CMC2: variants seen among roughly 807,000 people sequenced by gnomAD.
CMC2 encodes the protein COX assembly mitochondrial protein 2 homolog.
Under a neutral mutation model 7.5 loss-of-function variants are expected in CMC2, and 5 were observed. The observed-to-expected ratio is 0.66, with a 90% confidence interval of 0.35 to 1.40. CMC2 has a LOEUF of 1.40. CMC2 is among the 40% of genes most tolerant of loss of function. The pLI is 0.04. For missense variants in CMC2, 115 were observed against 92.3 expected (o/e 1.25, Z -1.01); for synonymous variants, 37 against 31.4 (o/e 1.18, Z -0.60).
rs964106909 is a variant in CMC2, at chr16:80,976,132, T to C, written c.201A>G (p.Arg67=). ...CCTCTGGAGGATTAAAAAGTTTCTT[T>C]CGCATTGCAATGCCATGCTCCCTGC... ...TKSREHGIAM[R]KKLFNPPEES... Residue 67 remains arginine (R), a synonymous_variant, in exon 4 of 4, where the codon CGA becomes CGG. Coordinates refer to ENST00000219400, the MANE Select transcript of CMC2 (RefSeq NM_020188.5). The C allele has an allele frequency of 6.2e-7, 1 of 1,610,686 alleles. No homozygotes were observed. Among genetic ancestry groups the C allele is most frequent in the Non-Finnish European group, 8.5e-7 (1 of 1,177,198 alleles).
chr16:80,983,674 A>T (rs1198684005), intron 2 of CMC2: 1 of 152,190 alleles, frequency 6.6e-6, no homozygotes, highest in Non-Finnish European at 1.5e-5. Flanking sequence ...TCAAAATGTC[A>T]CCAAAATACA....
In CMC2 at chr16:80,968,731, G is replaced by A. The variant is rs972256132; in HGVS notation, c.*7362C>T. On this transcript the variant is annotated 3_prime_UTR_variant, in exon 4 of 4. Transcript: ENST00000219400. Reference sequence around the variant, plus strand: ...TATATCAAATATAGTTTTTAAAGGTGTAGTTGAGCTCACAAGAAAGGAAAG... The same window carrying A: ...TATATCAAATATAGTTTTTAAAGGTATAGTTGAGCTCACAAGAAAGGAAAG... The A allele has an allele frequency of 1.3e-5, 2 of 152,182 alleles. No homozygotes were observed. The highest frequency in any genetic ancestry group is 4.8e-5 in the African/African-American group (2 of 41,436). 9.4% of individuals were successfully genotyped at this position (152,182 alleles called of 1,614,324 possible). A position where few individuals can be genotyped will look rare whatever the true frequency, so the allele number is the denominator to read the frequency against.
chr16:80,986,036 G>C (rs1967503700), intron 2 of CMC2, among the ~76,000 whole-genome samples: 1 of 152,070 alleles, frequency 6.6e-6, no homozygotes, highest in African/African-American at 2.4e-5. Flanking sequence ...CATTGTATAG[G>C]CAAAAGGATC....
At chr16:80,986,314 C>A (rs1474448230) in intron 2 of CMC2, among the ~76,000 whole-genome samples, 1 of 152,136 alleles carries the variant, frequency 6.6e-6, no homozygotes, top group African/African-American at 2.4e-5. Context: ...CATGCCACTA[C>A]ACTCCAGCCT....
At position 80,976,026 on chromosome 16, in the gene CMC2, T is replaced by C. The variant is rs999111472; in HGVS notation, c.*67A>G. On this transcript the variant is annotated 3_prime_UTR_variant, in exon 4 of 4. Transcript: ENST00000219400. ...ATTATGGAGACCAAATAAGACAGGA[T>C]TCTTTCAGGTATCAACCCAGAGTCT... The C allele has an allele frequency of 3.5e-6, 3 of 860,394 alleles. No homozygotes were observed. The highest frequency in any genetic ancestry group is 5.9e-6 in the Non-Finnish European group (3 of 507,298). The allele number at this position is 860,394 out of a possible 1,614,324, so 53.3% of individuals were successfully genotyped here. A position where few individuals can be genotyped will look rare whatever the true frequency, so the allele number is the denominator to read the frequency against.
chr16:80,978,284 G>C (rs1272535140), intron 3 of CMC2: 2 of 1,170,142 alleles, frequency 1.7e-6, no homozygotes, highest in African/African-American at 1.7e-5. Context: ...ATCAGGTTGA[G>C]AAGGGTCTTA....
chr16:81,003,373 G>C (rs140255502), intron 1 of CMC2, among the ~76,000 whole-genome samples: 1 of 152,298 alleles, frequency 6.6e-6, no homozygotes, highest in East Asian at 1.9e-4. Flanking sequence ...AAAATAATTT[G>C]TTGAACACTT....
At chr16:80,977,967 G>A (rs1912628409) in intron 3 of CMC2, among the ~76,000 whole-genome samples, 1 of 152,086 alleles carries the variant, frequency 6.6e-6, no homozygotes, top group East Asian at 1.9e-4. Flanking sequence ...AGCTATTCAG[G>A]AGGCTGAGGC....
rs1911761224 is a variant in CMC2 at position 80,969,323 on chromosome 16, TACCTGAACCAACTAAGG to T, written c.*6753_*6769del. 6.6e-6 allele frequency: 1 copy of T among 152,376 alleles called. No homozygotes were observed. The highest frequency in any genetic ancestry group is 2.1e-4 in the South Asian group (1 of 4,824). The allele number at this position is 152,376 out of a possible 1,614,324, so 9.4% of individuals were successfully genotyped here. On this transcript the variant is annotated 3_prime_UTR_variant, in exon 4 of 4. Transcript: ENST00000219400. ...GAAAGCAGCACAGGGAGGCACAAGGTACCTGAACCAACTAAGGACCGAAGAACCCAAAACAACAGATA... is the reference window on the plus strand; with the variant it reads ...GAAAGCAGCACAGGGAGGCACAAGGTACCGAAGAACCCAAAACAACAGATA...
rs752979229 is a variant in CMC2 at position 80,971,441 on chromosome 16, A to C, written c.*4652T>G. On this transcript the variant is annotated 3_prime_UTR_variant, in exon 4 of 4. Coordinates refer to ENST00000219400, the MANE Select transcript of CMC2 (RefSeq NM_020188.5). Reference sequence around the variant, plus strand: ...AAACAAGAACCTCATTTATCAACATAGTATTTTTTTTTTAAAAAAAAAAGG... The same window carrying C: ...AAACAAGAACCTCATTTATCAACATCGTATTTTTTTTTTAAAAAAAAAAGG... 6.7e-6 allele frequency: 1 copy of C among 148,244 alleles called. No individual in the cohort carries two copies. Among genetic ancestry groups the C allele is most frequent in the Non-Finnish European group, 1.5e-5 (1 of 67,826 alleles). 9.2% of individuals were successfully genotyped at this position (148,244 alleles called of 1,614,324 possible). A position where few individuals can be genotyped will look rare whatever the true frequency, so the allele number is the denominator to read the frequency against.
At chr16:80,985,145 A>G (rs1967424629) in intron 2 of CMC2, among the ~76,000 whole-genome samples, 1 of 152,168 alleles carries the variant, frequency 6.6e-6, no homozygotes, top group Non-Finnish European at 1.5e-5. Flanking sequence ...GAGGCAAATA[A>G]GAAGTCACTG....
At position 80,999,759 on chromosome 16, in the gene CMC2, T is replaced by G. The variant is rs528615418; in HGVS notation, c.-35-2330A>C. On this transcript the variant is annotated intron_variant, in intron 1 of 3. Coordinates refer to ENST00000219400, the MANE Select transcript of CMC2 (RefSeq NM_020188.5). ...ACAGCCCAGAAATAAAGCCACACAC[T>G]TTTGATCTTTGACAAAGTCAACAAA... 1.4e-4 allele frequency among the ~76,000 whole-genome samples: 21 copies of G among 152,218 alleles called. No homozygotes were observed. In the South Asian group the frequency reaches 2.5e-3, roughly 18 times the overall value.
At position 80,981,834 on chromosome 16, in the gene CMC2, C is replaced by T. The variant is rs781067998; in HGVS notation, c.125G>A (p.Arg42Gln). The T allele has an allele frequency of 1.7e-5, 27 of 1,610,276 alleles. No individual in the cohort carries two copies. The highest frequency in any genetic ancestry group is 2.7e-5 in the African/African-American group (2 of 74,896). ...ATTCTTCAGGCATTTTCTCAACTCC[C>T]GATCAACATCATTACAATAACCAAA... ...KFFGYCNDVD[R>Q]ELRKCLKNEY... The change falls in exon 3 of 4, where the codon CGG becomes CAG. Residue 42 changes from arginine (R) to glutamine (Q), a missense_variant. Transcript: ENST00000219400.
In CMC2 at chr16:80,975,925, C is replaced by A; in HGVS notation, c.*168G>T. ...GGGAGACAGTACTAAACGCCCTGCC[C>A]AACAAATACTCAGAATCCAGGGTTT... On this transcript the variant is annotated 3_prime_UTR_variant, in exon 4 of 4. Transcript: ENST00000219400. 1 of 589,338 alleles carries A rather than the reference C, an allele frequency of 1.7e-6. No homozygotes were observed. Among genetic ancestry groups the A allele is most frequent in the Non-Finnish European group, 3.0e-6 (1 of 334,290 alleles). The allele number at this position is 589,338 out of a possible 1,614,324, so 36.5% of individuals were successfully genotyped here.
chr16:80,990,668 C>T (rs2602449), intron 2 of CMC2, among the ~76,000 whole-genome samples: 99,106 of 152,098 alleles, frequency 0.65, 34,056 homozygotes, highest in South Asian at 0.8. Flanking sequence ...TGTCCTTTGA[C>T]TTCTTCACGA....
intron 3 of CMC2, among the ~76,000 whole-genome samples, chr16:80,979,339 T>C (rs77229154): frequency 0.014 from 2,143 of 152,140 alleles, 49 homozygotes; most frequent in African/African-American, 0.049. Flanking sequence ...ATGAGATGTA[T>C]AGGAAAACAA....
chr16:80,984,716 T>C (rs957523104), intron 2 of CMC2, among the ~76,000 whole-genome samples: 3 of 152,242 alleles, frequency 2.0e-5, no homozygotes, highest in Non-Finnish European at 2.9e-5. Flanking sequence ...ACTTTTCAAA[T>C]GTGAGGCAAT....
Position 81,006,852 on chromosome 16 carries a change from G to A in CMC2, c.-154C>T, listed in dbSNP as rs1245421721. On this transcript the variant is annotated 5_prime_UTR_variant, in exon 1 of 4. Transcript: ENST00000219400. Reference sequence around the variant, plus strand: ...CGCTTGCCAGACGCCGAAACCCAGTGACGCCCTCCACCGCTCCACCGTGCT... The same window carrying A: ...CGCTTGCCAGACGCCGAAACCCAGTAACGCCCTCCACCGCTCCACCGTGCT... The A allele has an allele frequency of 8.1e-6, 8 of 985,704 alleles. No homozygotes were observed. Among genetic ancestry groups the A allele is most frequent in the South Asian group, 4.7e-5 (1 of 21,300 alleles). The allele number at this position is 985,704 out of a possible 1,614,324, so 61.1% of individuals were successfully genotyped here.
intron 2 of CMC2, among the ~76,000 whole-genome samples, chr16:80,991,060 T>G (rs905322847): frequency 6.7e-5 from 10 of 150,292 alleles, no homozygotes; most frequent in Non-Finnish European, 1.0e-4. Context: ...CACTGCCAAC[T>G]GAAAGACTCT....
Sources: gnomAD v4.1 joint callset for allele counts (sites outside exome capture counted in the v4.1 genomes callset) on GRCh38, gnomAD v4.1.1 for gene constraint, MANE v1.5 for transcripts, NCBI Gene and HGNC (gene_info 2026-07-23, HGNC 2026-07-21) for gene names.